Variants in IL7 observed in about 807,000 individuals in gnomAD.
IL7 encodes interleukin 7.
Under a neutral mutation model 21.6 loss-of-function variants are expected in IL7, and 3 were observed. That is an observed-to-expected ratio of 0.14 (90% CI 0.06 to 0.36). IL7 has a LOEUF of 0.36. Among genes scored for constraint, IL7 ranks in the 10% least tolerant of loss-of-function variants. The pLI, the probability that IL7 is intolerant of heterozygous loss-of-function variation, is 1.00. For missense variants in IL7, 175 were observed against 200.2 expected (o/e 0.87, Z 0.76); for synonymous variants, 62 against 68.1 (o/e 0.91, Z 0.44).
chr8:78,752,313 A>G (rs1028217703), intron 2 of IL7, among the ~76,000 whole-genome samples: 1 of 152,206 alleles, frequency 6.6e-6, no homozygotes, highest in Non-Finnish European at 1.5e-5. Context: ...GCAGGAGCAC[A>G]TGCTAGTTCC....
intron 2 of IL7, among the ~76,000 whole-genome samples, chr8:78,788,464 GAC>G (rs1382206729): frequency 8.6e-5 from 13 of 151,800 alleles, no homozygotes; most frequent in African/African-American, 3.1e-4. Flanking sequence ...TTTCTTTTGA[GAC>G]ATTTTGTTTG....
chr8:78,797,041 A>G (rs1813875544), intron 2 of IL7, among the ~76,000 whole-genome samples: 2 of 152,084 alleles, frequency 1.3e-5, no homozygotes, highest in African/African-American at 4.8e-5. Context: ...AAGTTGTGGT[A>G]TATCCATTCA....
chr8:78,756,359 T>C (rs2130748660), intron 2 of IL7, among the ~76,000 whole-genome samples: 1 of 152,022 alleles, frequency 6.6e-6, no homozygotes, highest in South Asian at 2.1e-4. Flanking sequence ...CTCCTTTTCG[T>C]TTTTTTCTTT....
intron 2 of IL7, among the ~76,000 whole-genome samples, chr8:78,782,248 T>C (rs1415715133): frequency 6.6e-6 from 1 of 152,152 alleles, no homozygotes; most frequent in African/African-American, 2.4e-5. Flanking sequence ...CCCAGTTCTG[T>C]GCCTTGTTGG....
intron 2 of IL7, among the ~76,000 whole-genome samples, chr8:78,775,590 C>A (rs183174805): frequency 3.5e-4 from 54 of 152,234 alleles, no homozygotes; most frequent in Non-Finnish European, 4.7e-4. Context: ...ACTGAATTGT[C>A]CAACATCTCA....
chr8:78,698,431 G>T, intron 3 of IL7: 2 of 1,612,418 alleles, frequency 1.2e-6, no homozygotes, highest in Non-Finnish European at 1.7e-6. Flanking sequence ...TTCAGGTAAA[G>T]TGTCTTCAAG....
intron 2 of IL7, chr8:78,747,232 C>G: frequency 2.9e-6 from 1 of 346,776 alleles, no homozygotes; most frequent in Non-Finnish European, 5.3e-6. Flanking sequence ...GTTGCCCAGG[C>G]TGGAGTGCAG....
At chr8:78,753,201 A>G (rs940945172) in intron 2 of IL7, among the ~76,000 whole-genome samples, 11 of 152,212 alleles carry the variant, frequency 7.2e-5, no homozygotes, top group African/African-American at 2.7e-4. Context: ...TCCTACAAAC[A>G]GTGCAAAAAC....
chr8:78,752,580 T>C (rs1256099885), intron 2 of IL7, among the ~76,000 whole-genome samples: 2 of 152,174 alleles, frequency 1.3e-5, no homozygotes, highest in Non-Finnish European at 2.9e-5. Flanking sequence ...TTCATAAATG[T>C]CTATTCACAT....
intron 2 of IL7, among the ~76,000 whole-genome samples, chr8:78,782,041 T>A (rs1351591678): frequency 6.6e-6 from 1 of 152,190 alleles, no homozygotes; most frequent in Non-Finnish European, 1.5e-5. Context: ...GGGAAGTTCT[T>A]GTGTTGTATT....
At chr8:78,682,237 G>A (rs1809811054) in intron 4 of IL7, among the ~76,000 whole-genome samples, 1 of 152,122 alleles carries the variant, frequency 6.6e-6, no homozygotes, top group African/African-American at 2.4e-5. Flanking sequence ...AGGTTAAACT[G>A]TAACCAATAC....
intron 3 of IL7, chr8:78,686,431 G>GCTTA (rs369793261): frequency 1.0e-5 from 12 of 1,173,524 alleles, no homozygotes; most frequent in Non-Finnish European, 1.3e-5. Context: ...GATACTGTTT[G>GCTTA]TTTATTTATT....
chr8:78,739,715 G>C (rs900049329), intron 3 of IL7, among the ~76,000 whole-genome samples: 1 of 150,678 alleles, frequency 6.6e-6, no homozygotes, highest in Non-Finnish European at 1.5e-5. Flanking sequence ...AAGAAAGAAA[G>C]AAAGAAAGAA....
chr8:78,803,268 A>G (rs779273529), intron 1 of IL7, among the ~76,000 whole-genome samples: 5 of 152,138 alleles, frequency 3.3e-5, no homozygotes, highest in Non-Finnish European at 7.4e-5. Flanking sequence ...GGCTCAAGCA[A>G]TCCTCCTGCC....
chr8:78,676,496 G>T (rs974496351), intron 4 of IL7, among the ~76,000 whole-genome samples: 4 of 151,918 alleles, frequency 2.6e-5, no homozygotes, highest in African/African-American at 9.7e-5. Flanking sequence ...TAAAAATTAT[G>T]CCTATGTACC....
At chr8:78,786,547 C>G (rs1813515886) in intron 2 of IL7, among the ~76,000 whole-genome samples, 2 of 152,110 alleles carry the variant, frequency 1.3e-5, no homozygotes, top group Non-Finnish European at 2.9e-5. Context: ...ACATCAGTAT[C>G]ATCACAAACA....
intron 2 of IL7, chr8:78,761,807 C>T: frequency 1.9e-6 from 3 of 1,612,060 alleles, no homozygotes; most frequent in East Asian, 2.2e-5. Flanking sequence ...ATTTATCCGA[C>T]ACTCCAGTAG....
intron 3 of IL7, among the ~76,000 whole-genome samples, chr8:78,722,240 G>T (rs1000527016): frequency 6.6e-6 from 1 of 151,770 alleles, no homozygotes; most frequent in African/African-American, 2.4e-5. Context: ...CGCCTTTTAC[G>T]TTGTTTTCTA....
chr8:78,773,452 G>A (rs1009312492), intron 2 of IL7, among the ~76,000 whole-genome samples: 1 of 152,094 alleles, frequency 6.6e-6, no homozygotes, highest in African/African-American at 2.4e-5. Context: ...GATTTGTGGA[G>A]CAAGACAGGG....
Sources: allele counts gnomAD v4.1 joint callset (sites outside exome capture counted in the v4.1 genomes callset), GRCh38; gene constraint gnomAD v4.1.1; transcripts MANE v1.5; gene names NCBI Gene and HGNC (gene_info 2026-07-23, HGNC 2026-07-21).